The following ZNG1F variants were observed in gnomAD, a reference collection of about 807,000 sequenced individuals.
ZNG1F encodes Zn regulated GTPase metalloprotein activator 1F.
At chr9:41,183,705 T>C in the ZNG1F span, 9,011 of 1,606,088 alleles carry the variant, frequency 5.6e-3, 495 homozygotes, top group Middle Eastern at 0.028. Context: ...CTTTAGCTTA[T>C]GTCCATTAGC....
the ZNG1F span, among the ~76,000 whole-genome samples, chr9:41,200,332 GC>G: frequency 2.7e-5 from 1 of 36,886 alleles, no homozygotes; most frequent in African/African-American, 9.3e-5. Flanking sequence ...TATGGCAGGG[GC>G]AAAATGCCCC....
the ZNG1F span, among the ~76,000 whole-genome samples, chr9:41,183,378 C>G: frequency 8.2e-6 from 1 of 122,126 alleles, no homozygotes; most frequent in African/African-American, 3.2e-5. Context: ...AACATTAGAG[C>G]AGATAGAAAA....
chr9:41,154,774 A>G, the ZNG1F span, among the ~76,000 whole-genome samples: 1 of 150,322 alleles, frequency 6.7e-6, no homozygotes, highest in Non-Finnish European at 1.5e-5. Flanking sequence ...TATTTAATAA[A>G]TGGTGCTGGG....
the ZNG1F span, among the ~76,000 whole-genome samples, chr9:41,201,211 C>A: frequency 2.7e-5 from 4 of 146,676 alleles, no homozygotes; most frequent in African/African-American, 1.0e-4. Context: ...CAAAAACATG[C>A]TTGTATGTGC....
At chr9:41,178,971 A>G in the ZNG1F span, among the ~76,000 whole-genome samples, 1 of 118,376 alleles carries the variant, frequency 8.4e-6, no homozygotes, top group Non-Finnish European at 1.8e-5. Flanking sequence ...GATTCAAAGG[A>G]CAGGCTGACT....
the ZNG1F span, among the ~76,000 whole-genome samples, chr9:41,144,366 C>G: frequency 2.6e-5 from 2 of 78,034 alleles, no homozygotes; most frequent in East Asian, 8.7e-4. Context: ...ATGACAGATA[C>G]CGACTATCAT....
chr9:41,151,391 T>A, the ZNG1F span, among the ~76,000 whole-genome samples: 2 of 150,094 alleles, frequency 1.3e-5, no homozygotes, highest in Non-Finnish European at 3.0e-5. Flanking sequence ...TACCTGAAAG[T>A]GACAGGGAGA....
the ZNG1F span, chr9:41,183,682 A>C: frequency 1.1e-5 from 17 of 1,606,444 alleles, 1 homozygote; most frequent in Non-Finnish European, 1.4e-5. Context: ...AACAAACAAT[A>C]AATAAACAAA....
chr9:41,185,871 A>G, the ZNG1F span: 1 of 74,292 alleles, frequency 1.3e-5, no homozygotes, highest in African/African-American at 4.9e-5. Context: ...TAATTTTTCT[A>G]AAGCTATCCA....
chr9:41,183,352 T>C, the ZNG1F span, among the ~76,000 whole-genome samples: 1 of 119,366 alleles, frequency 8.4e-6, no homozygotes, highest in Non-Finnish European at 1.7e-5. Flanking sequence ...CAATAAAAAC[T>C]CAATAAAAGG....
the ZNG1F span, chr9:41,134,023 T>G: frequency 8.8e-6 from 4 of 453,548 alleles, no homozygotes; most frequent in Non-Finnish European, 1.2e-5. Context: ...TCCTCATTAT[T>G]TAATTCATTC....
chr9:41,174,367 T>C, the ZNG1F span: 2 of 1,605,784 alleles, frequency 1.2e-6, no homozygotes, highest in African/African-American at 2.7e-5. Context: ...AAATATATAA[T>C]ATTCATCAAA....
the ZNG1F span, chr9:41,132,274 C>A: frequency 6.2e-7 from 1 of 1,604,542 alleles, no homozygotes; most frequent in Non-Finnish European, 8.5e-7. Flanking sequence ...CCTTCCAGCT[C>A]ACTGGAGTCT....
At chr9:41,203,650 AG>A in the ZNG1F span, among the ~76,000 whole-genome samples, 1 of 101,700 alleles carries the variant, frequency 9.8e-6, no homozygotes, top group East Asian at 3.0e-4. Flanking sequence ...GACACAGGAA[AG>A]ACACTGACCA....
the ZNG1F span, among the ~76,000 whole-genome samples, chr9:41,155,454 T>C: frequency 7.1e-6 from 1 of 141,428 alleles, no homozygotes; most frequent in East Asian, 2.1e-4. Flanking sequence ...TGGCGATTCC[T>C]CAGGGATCTA....
the ZNG1F span, among the ~76,000 whole-genome samples, chr9:41,183,120 T>G: frequency 7.9e-6 from 1 of 125,836 alleles, no homozygotes; most frequent in Non-Finnish European, 1.7e-5. Context: ...CTACTATGTG[T>G]TGGGTAACTC....
the ZNG1F span, among the ~76,000 whole-genome samples, chr9:41,183,405 T>C: frequency 7.8e-6 from 1 of 128,622 alleles, no homozygotes; most frequent in East Asian, 2.4e-4. Context: ...AAGAAACACT[T>C]TAAGAAAATG....
the ZNG1F span, among the ~76,000 whole-genome samples, chr9:41,203,149 C>G: frequency 6.6e-6 from 1 of 152,232 alleles, no homozygotes; most frequent in Non-Finnish European, 1.5e-5. Flanking sequence ...ATGACATCCA[C>G]CTGTGCTTTT....
At chr9:41,150,357 G>T in the ZNG1F span, among the ~76,000 whole-genome samples, 12 of 149,660 alleles carry the variant, frequency 8.0e-5, 1 homozygote, top group Non-Finnish European at 1.5e-4. Flanking sequence ...TAGCACAGCA[G>T]TCTGAGATCA....
Sources: allele counts gnomAD v4.1 joint callset (sites outside exome capture counted in the v4.1 genomes callset), GRCh38; gene constraint gnomAD v4.1.1; transcripts MANE v1.5; gene names NCBI Gene and HGNC (gene_info 2026-07-23, HGNC 2026-07-21).